The following AGBL1 variants were observed in gnomAD, a reference collection of about 807,000 sequenced individuals.
The protein encoded by AGBL1 is AGBL carboxypeptidase 1.
AGBL1 carries 130 observed loss-of-function variants against 118.9 expected under a neutral mutation model. The observed-to-expected ratio is 1.09, with a 90% CI of 0.95 to 1.26. The LOEUF (loss-of-function observed/expected upper bound fraction) is 1.26. Ranked by LOEUF, AGBL1 falls within the 50% of genes most tolerant of loss-of-function variation. The pLI is 0.00. For synonymous variants in AGBL1, 555 were observed against 478.9 expected (o/e 1.16, Z -2.08); for missense variants, 1,584 against 1,298.1 (o/e 1.22, Z -3.38).
At chr15:86,131,401 T>C (rs956094855) in intron 1 of AGBL1, among the ~76,000 whole-genome samples, 2 of 152,194 alleles carry the variant, frequency 1.3e-5, no homozygotes, top group African/African-American at 4.8e-5. Flanking sequence ...TCAAAAAGTT[T>C]CCACTAAATA....
chr15:86,114,570 A>G (rs923514935), intron 1 of AGBL1, among the ~76,000 whole-genome samples: 7 of 152,314 alleles, frequency 4.6e-5, no homozygotes, highest in Middle Eastern at 3.4e-3. Flanking sequence ...TCCCTTTCCA[A>G]GATTTTAACC....
chr15:86,629,362 T>C (rs1038245566), intron 21 of AGBL1, among the ~76,000 whole-genome samples: 1 of 152,212 alleles, frequency 6.6e-6, no homozygotes, highest in African/African-American at 2.4e-5. Context: ...AATGGATCTC[T>C]GTGGAATAGC....
At chr15:86,888,546 C>T (rs1389834454) in intron 22 of AGBL1, among the ~76,000 whole-genome samples, 6 of 151,970 alleles carry the variant, frequency 3.9e-5, no homozygotes, top group Non-Finnish European at 7.4e-5. Flanking sequence ...TGGTAACCAA[C>T]GAAGATCTAG....
intron 22 of AGBL1, among the ~76,000 whole-genome samples, chr15:86,737,949 T>C (rs1392225172): frequency 6.6e-6 from 1 of 151,692 alleles, no homozygotes; most frequent in East Asian, 1.9e-4. Flanking sequence ...TACAACATAA[T>C]CAACTAGTAT....
At chr15:86,511,673 T>C (rs1156290977) in intron 18 of AGBL1, among the ~76,000 whole-genome samples, 2 of 151,906 alleles carry the variant, frequency 1.3e-5, no homozygotes, top group African/African-American at 2.4e-5. Context: ...CATATAGCAG[T>C]TAATAAAAGG....
At chr15:86,423,420 G>A (rs35310154) in intron 18 of AGBL1, among the ~76,000 whole-genome samples, 34,454 of 150,850 alleles carry the variant, frequency 0.23, 5,313 homozygotes, top group East Asian at 0.62. Flanking sequence ...CTGATGGAAC[G>A]TATCTCTATC....
intron 18 of AGBL1, among the ~76,000 whole-genome samples, chr15:86,480,742 G>T (rs2082640119): frequency 1.3e-5 from 2 of 151,932 alleles, no homozygotes; most frequent in African/African-American, 4.8e-5. Context: ...TTCTTGGAAG[G>T]TATGGCAAAG....
At chr15:86,588,316 T>G (rs569178974) in intron 21 of AGBL1, among the ~76,000 whole-genome samples, 5 of 152,300 alleles carry the variant, frequency 3.3e-5, no homozygotes, top group African/African-American at 1.2e-4. Flanking sequence ...AAAGACCCTC[T>G]TACACAGTTG....
intron 22 of AGBL1, among the ~76,000 whole-genome samples, chr15:86,789,120 T>C (rs1310370056): frequency 6.6e-6 from 1 of 152,190 alleles, no homozygotes; most frequent in East Asian, 1.9e-4. Context: ...TGTGTCTAAT[T>C]ACAGAGTCAG....
chr15:86,523,625 A>C (rs114834414), intron 19 of AGBL1, among the ~76,000 whole-genome samples: 1 of 152,280 alleles, frequency 6.6e-6, no homozygotes, highest in African/African-American at 2.4e-5. Flanking sequence ...TATCTCAGTT[A>C]TTGCATAAGA....
intron 17 of AGBL1, among the ~76,000 whole-genome samples, chr15:86,377,226 A>C (rs1021737533): frequency 6.6e-6 from 1 of 152,202 alleles, no homozygotes; most frequent in Non-Finnish European, 1.5e-5. Flanking sequence ...AAAAATCACA[A>C]ATCTATTAAT....
chr15:86,936,160 G>A (rs533507490), intron 23 of AGBL1, among the ~76,000 whole-genome samples: 16 of 152,302 alleles, frequency 1.1e-4, no homozygotes, highest in African/African-American at 1.4e-4. Flanking sequence ...AGCCACACTC[G>A]AGAGAGCCCA....
intron 17 of AGBL1, among the ~76,000 whole-genome samples, chr15:86,336,124 T>C (rs568902137): frequency 6.6e-6 from 1 of 152,310 alleles, no homozygotes; most frequent in South Asian, 2.1e-4. Context: ...AAACTCAGCC[T>C]CCACCTGTGA....
At chr15:86,993,335 C>A (rs1211746262) in intron 24 of AGBL1, among the ~76,000 whole-genome samples, 3 of 152,044 alleles carry the variant, frequency 2.0e-5, no homozygotes, top group Non-Finnish European at 4.4e-5. Flanking sequence ...TATTGAATAC[C>A]AACTATATAT....
chr15:86,497,537 C>T (rs2082868696), intron 18 of AGBL1, among the ~76,000 whole-genome samples: 1 of 151,908 alleles, frequency 6.6e-6, no homozygotes, highest in African/African-American at 2.4e-5. Context: ...ATGTGTCCTC[C>T]TGTTTTTATT....
chr15:86,895,367 G>C (rs72751957), intron 22 of AGBL1, among the ~76,000 whole-genome samples: 4 of 150,676 alleles, frequency 2.7e-5, no homozygotes, highest in Non-Finnish European at 5.9e-5. Flanking sequence ...TACAAGAGTA[G>C]ACTTTCCAGT....
chr15:86,508,087 A>AT (rs542364284), intron 18 of AGBL1, among the ~76,000 whole-genome samples: 3,366 of 149,692 alleles, frequency 0.022, 70 homozygotes, highest in Middle Eastern at 0.082. Context: ...TGCCCAGCTA[A>AT]TTTTTTTTGT....
At chr15:86,886,256 G>T (rs766230) in intron 22 of AGBL1, among the ~76,000 whole-genome samples, 22,016 of 152,222 alleles carry the variant, frequency 0.14, 1,829 homozygotes, top group South Asian at 0.24. Context: ...TATGGCAAGT[G>T]TACTAAAATC....
intron 22 of AGBL1, among the ~76,000 whole-genome samples, chr15:86,844,806 C>T (rs1164742343): frequency 6.6e-6 from 1 of 151,992 alleles, no homozygotes; most frequent in Non-Finnish European, 1.5e-5. Context: ...AAAATTTTGT[C>T]CTATATTTCC....
Sources: allele counts gnomAD v4.1 joint callset (sites outside exome capture counted in the v4.1 genomes callset), GRCh38; gene constraint gnomAD v4.1.1; transcripts MANE v1.5; gene names NCBI Gene and HGNC (gene_info 2026-07-23, HGNC 2026-07-21).